TECPR1: variants seen among roughly 807,000 people sequenced by gnomAD.
TECPR1 encodes the protein tectonin beta-propeller repeat containing 1.
Under a neutral mutation model 162.4 loss-of-function variants are expected in TECPR1, and 122 were observed. The observed-to-expected ratio is 0.75, with a 90% confidence interval of 0.65 to 0.87. The LOEUF is 0.87. Among genes scored for constraint, TECPR1 ranks in the 40% least tolerant of loss-of-function variants. The probability of loss-of-function intolerance (pLI) is 0.00; values close to 1 mark genes in which losing one functional copy is unlikely to be tolerated. For synonymous variants in TECPR1, 642 were observed against 670.6 expected (o/e 0.96, Z 0.66); for missense variants, 1,432 against 1,618.2 (o/e 0.88, Z 1.97).
At chr7:98,236,598 G>C (rs1301690030) in intron 10 of TECPR1, among the ~76,000 whole-genome samples, 178 bp downstream of exon 10, 1 of 151,476 alleles carries the variant, frequency 6.6e-6, no homozygotes, top group Admixed American at 6.6e-5. Context: ...CTCTCTGTGG[G>C]ACCGAGGCAG....
chr7:98,233,564 G>A lies in TECPR1; in HGVS notation c.1529C>T (p.Thr510Ile). 6.3e-7 allele frequency: 1 copy of A among 1,597,518 alleles called. No homozygotes were observed. Among genetic ancestry groups the A allele is most frequent in the Non-Finnish European group, 8.5e-7 (1 of 1,173,358 alleles). The change falls in exon 11 of 26, where the codon ACC becomes ATC. Residue 510 changes from threonine (T) to isoleucine (I), a missense_variant. Thr to Ile is a moderately conservative substitution (Grantham distance 89, BLOSUM62 -1). Transcript: ENST00000447648. ...GAGGAGCCCCAGAGAGGAGAGGCTGGTGGTCTCGGGGAAGCCAGCGGCCGA... is the reference window on the plus strand; with the variant it reads ...GAGGAGCCCCAGAGAGGAGAGGCTGATGGTCTCGGGGAAGCCAGCGGCCGA... The part of the protein sequence containing the change: ...SHSAAGFPET[T>I]SLSSLGLLPL...
chr7:98,234,443 C>G (rs556422923), intron 10 of TECPR1, among the ~76,000 whole-genome samples: 1 of 152,272 alleles, frequency 6.6e-6, no homozygotes, highest in South Asian at 2.1e-4. Flanking sequence ...CGTGAGCCAC[C>G]GCGCCCGATC....
At chr7:98,239,566 TAAAA>T (rs1285738169) in intron 8 of TECPR1, among the ~76,000 whole-genome samples, 2 of 150,540 alleles carry the variant, frequency 1.3e-5, no homozygotes, top group Non-Finnish European at 3.0e-5. Context: ...AATTAAAAAA[TAAAA>T]AAAAGAAATC....
chr7:98,217,139 C>G lies in TECPR1; in HGVS notation c.*251G>C. On this transcript the variant is annotated 3_prime_UTR_variant, in exon 26 of 26. Coordinates refer to ENST00000447648, the MANE Select transcript of TECPR1 (RefSeq NM_015395.3). ...GGGTGGGAGGGGCCTCTGGGAGGTG[C>G]AGCCCCACCCCATGCCCCACACCCC... The G allele has an allele frequency of 4.5e-6, 2 of 443,772 alleles. No individual in the cohort carries two copies. 27.5% of individuals were successfully genotyped at this position (443,772 alleles called of 1,614,324 possible).
In TECPR1 at chr7:98,221,678, T is replaced by C. The variant is rs771974553; in HGVS notation, c.3140A>G (p.Tyr1047Cys). ...KQVSAGQTSV[Y>C]ALDENGNLWY... ...CAACTTGCCATTCTCATCCAGGGCA[T>C]ACACCGACGTCTGCCCCGCGGACAC... Residue 1047 changes from tyrosine to cysteine, a missense_variant, in exon 23 of 26, where the codon TAT becomes TGT. By Grantham distance (194) the Tyr-to-Cys change is radical. Transcript: ENST00000447648. The C allele has an allele frequency of 6.2e-6, 10 of 1,612,904 alleles. No individual in the cohort carries two copies. Among genetic ancestry groups the C allele is most frequent in the Admixed American group, 1.7e-5 (1 of 59,930 alleles).
chr7:98,226,253 T>A (rs920077979), intron 17 of TECPR1, among the ~76,000 whole-genome samples: 4 of 152,188 alleles, frequency 2.6e-5, no homozygotes, highest in African/African-American at 9.7e-5. Flanking sequence ...AGGATGGAAA[T>A]ATTTTGGCGA....
At chr7:98,227,878 T>A (rs1798319023) in intron 17 of TECPR1, 136 bp downstream of exon 17, 2 of 523,186 alleles carry the variant, frequency 3.8e-6, no homozygotes, top group Non-Finnish European at 7.1e-6. Flanking sequence ...AGCGGTAAGA[T>A]CCGGTTAGTT....
chr7:98,223,086 C>A lies in TECPR1; in HGVS notation c.2832G>T (p.Pro944=), dbSNP rs367709234. The stretch of plus-strand genomic sequence containing the variant: ...TGCTGTGCCCACTCCCCTCGGCACC[C>A]GGGCTCTCCGGGATGATGGACACGT... The part of the protein sequence containing the change: ...LRDVSIIPES[P]GAEGSGHSIA... The change falls in exon 21 of 26, where the codon CCG becomes CCT. Residue 944 remains proline, a synonymous_variant. Transcript: ENST00000447648. The A allele has an allele frequency of 6.2e-7, 1 of 1,603,124 alleles. No individual in the cohort carries two copies. The highest frequency in any genetic ancestry group is 1.3e-5 in the African/African-American group (1 of 74,866).
chr7:98,236,333 C>T (rs1355232241), intron 10 of TECPR1, among the ~76,000 whole-genome samples: 1 of 152,190 alleles, frequency 6.6e-6, no homozygotes, highest in Non-Finnish European at 1.5e-5. Flanking sequence ...AGTCTGAGAC[C>T]ACTGCTGCAG....
At chr7:98,224,666 C>T in intron 19 of TECPR1, 135 bp downstream of exon 19, 1 of 839,586 alleles carries the variant, frequency 1.2e-6, no homozygotes, top group East Asian at 2.7e-5. Flanking sequence ...GCAGGGCTGG[C>T]ACCAGGGGTC....
chr7:98,221,075 G>A (rs1224147816), intron 23 of TECPR1, among the ~76,000 whole-genome samples: 1 of 151,054 alleles, frequency 6.6e-6, no homozygotes, highest in African/African-American at 2.4e-5. Flanking sequence ...GCCGAGGTGG[G>A]CAGGTCACTT....
rs1157607281 is a variant in TECPR1, at chr7:98,232,861, T to C, written c.1784A>G (p.Glu595Gly). 1 of 1,611,628 alleles carries C rather than the reference T, an allele frequency of 6.2e-7. No individual in the cohort carries two copies. Among genetic ancestry groups the C allele is most frequent in the African/African-American group, 1.3e-5 (1 of 74,866 alleles). Residue 595 changes from glutamate to glycine, a missense_variant, in exon 12 of 26, where the codon GAG becomes GGG. Physicochemically the swap from Glu to Gly is moderately conservative, Grantham distance 98 (BLOSUM62 -2). Coordinates refer to ENST00000447648, the MANE Select transcript of TECPR1 (RefSeq NM_015395.3). The surrounding 1 kb of genome is among the most constrained non-coding windows in gnomAD (Gnocchi z 4.6). ...GGCCTGCTCGTAGTGTCTGAAGTTC[T>C]CCAGCTCCCGCTTGGTCCTTTCCGT... ...QLTERTKRELENFRHYEQAVE... is the reference protein window; with the variant it reads ...QLTERTKRELGNFRHYEQAVE...
In TECPR1 at chr7:98,231,299, C is replaced by G. The variant is rs1196266658; in HGVS notation, c.2049G>C (p.Leu683=). The G allele has an allele frequency of 6.2e-7, 1 of 1,612,666 alleles. No individual in the cohort carries two copies. The highest frequency in any genetic ancestry group is 1.1e-5 in the South Asian group (1 of 90,846). The change falls in exon 14 of 26, where the codon CTG becomes CTC. Residue 683 remains leucine, a synonymous_variant. Transcript: ENST00000447648. ...VLNETKHSFA[L]YTPERTRQRW... ...TCTGCCGTGTCCGCTCAGGGGTGTA[C>G]AGGGCAAAGGAGTGCTTGGTCTCGT...
rs751198845 is a variant in TECPR1, at chr7:98,225,029, GCTTCGTGCCAGC to G, written c.2575_2586del (p.Ala859_Lys862del). 1 of 1,555,038 alleles carries G rather than the reference GCTTCGTGCCAGC, an allele frequency of 6.4e-7. No individual in the cohort carries two copies. Among genetic ancestry groups the G allele is most frequent in the South Asian group, 1.2e-5 (1 of 83,874 alleles). On this transcript the variant is annotated inframe_deletion, in exon 18 of 26. Coordinates refer to ENST00000447648, the MANE Select transcript of TECPR1 (RefSeq NM_015395.3). ...ACCCAGGCCCACTGCAGGGACGGGG[GCTTCGTGCCAGC>G]CTTCGTGCACTCCTGCAGCCCCGAG...
chr7:98,226,665 C>T (rs1040715646), intron 17 of TECPR1: 18 of 1,139,790 alleles, frequency 1.6e-5, no homozygotes, highest in East Asian at 1.5e-4. Context: ...CAGTGGCTCT[C>T]GCCTGATGAT....
In TECPR1 at chr7:98,233,643, C is replaced by A; in HGVS notation, c.1450G>T (p.Glu484Ter). The change falls in exon 11 of 26, where the codon GAG (glutamate) becomes TAG (stop). Residue 484 changes from glutamate (E) to a stop codon, truncating the protein, a stop_gained. Coordinates refer to ENST00000447648, the MANE Select transcript of TECPR1 (RefSeq NM_015395.3). LOFTEE classifies it high-confidence loss of function. ...THPGPAPTPA[E>*]LPWTNIDLKE... is the part of the protein sequence containing the mutation. ...AGGTCAATATTGGTCCAGGGCAGCTCGGCCGGGGTGGGGGCCGGGCCGGGG... is the reference window on the plus strand; with the variant it reads ...AGGTCAATATTGGTCCAGGGCAGCTAGGCCGGGGTGGGGGCCGGGCCGGGG... 2 of 1,590,308 alleles carry A rather than the reference C, an allele frequency of 1.3e-6. No individual in the cohort carries two copies. Among genetic ancestry groups the A allele is most frequent in the South Asian group, 2.3e-5 (2 of 88,372 alleles).
At chr7:98,229,305 T>C in intron 15 of TECPR1, 139 bp from the exon 16 acceptor site, 3 of 1,141,776 alleles carry the variant, frequency 2.6e-6, no homozygotes, top group Non-Finnish European at 1.2e-6. Context: ...CCATCCACCC[T>C]GCCTGACCTC....
At position 98,231,039 on chromosome 7, in the gene TECPR1, G is replaced by A. The variant is rs1488127158; in HGVS notation, c.2204C>T (p.Thr735Ile). 3 of 1,612,712 alleles carry A rather than the reference G, an allele frequency of 1.9e-6. No individual in the cohort carries two copies. The highest frequency in any genetic ancestry group is 1.1e-5 in the South Asian group (1 of 90,944). Residue 735 changes from threonine (T) to isoleucine (I), a missense_variant, in exon 15 of 26, where the codon ACC (threonine) becomes ATC (isoleucine). Coordinates refer to ENST00000447648, the MANE Select transcript of TECPR1 (RefSeq NM_015395.3). ...GCTCACGAAGATGTCCCCCTTGCAG[G>A]TGATGGACCAGATGGCCTGCGGGGA... ...RPSPQAIWSI[T>I]CKGDIFVSEP...
At chr7:98,230,217 G>A (rs1477512242) in intron 15 of TECPR1, among the ~76,000 whole-genome samples, 2 of 151,728 alleles carry the variant, frequency 1.3e-5, no homozygotes, top group Non-Finnish European at 2.9e-5. Context: ...TGTTGCCCAG[G>A]CTGGTCTTGA....
Sources: gnomAD v4.1 joint callset for allele counts (sites outside exome capture counted in the v4.1 genomes callset) on GRCh38, gnomAD v4.1.1 for gene constraint, Gnocchi (gnomAD v3.1) non-coding constraint, MANE v1.5 for transcripts, NCBI Gene and HGNC (gene_info 2026-07-23, HGNC 2026-07-21) for gene names.